The following TMEM232 variants were observed in gnomAD, a reference collection of about 807,000 sequenced individuals.
TMEM232 encodes transmembrane protein 232.
A neutral mutation model predicts 78.8 loss-of-function variants in TMEM232; 80 were observed. The ratio of observed to expected loss-of-function variants is 1.01; its 90% confidence interval spans 0.85 to 1.22. The LOEUF (loss-of-function observed/expected upper bound fraction) is 1.22. Ranked by LOEUF, TMEM232 falls within the 50% of genes most tolerant of loss-of-function variation. The pLI is 0.00. For missense variants in TMEM232, 881 were observed against 742.2 expected (o/e 1.19, Z -2.17); for synonymous variants, 297 against 254.3 (o/e 1.17, Z -1.60).
intron 1 of TMEM232, among the ~76,000 whole-genome samples, chr5:110,669,356 A>C (rs1791058776): frequency 6.6e-6 from 1 of 152,216 alleles, no homozygotes; most frequent in African/African-American, 2.4e-5. Flanking sequence ...AAACACCTCT[A>C]TGCAAATAAA....
intron 10 of TMEM232, among the ~76,000 whole-genome samples, chr5:110,576,095 T>C (rs764852545): frequency 6.6e-5 from 10 of 152,044 alleles, no homozygotes; most frequent in African/African-American, 2.4e-4. Context: ...AGTCAAACTA[T>C]CTCTGTTTGC....
chr5:110,603,666 T>C (rs1373627921), intron 10 of TMEM232, among the ~76,000 whole-genome samples: 1 of 152,174 alleles, frequency 6.6e-6, no homozygotes, highest in East Asian at 1.9e-4. Context: ...TTCATTTATC[T>C]TCACTTTATT....
chr5:110,530,634 C>A (rs1268725176), intron 11 of TMEM232, among the ~76,000 whole-genome samples: 3 of 152,148 alleles, frequency 2.0e-5, no homozygotes, highest in African/African-American at 7.2e-5. Flanking sequence ...CACAGAAAGA[C>A]AAATACCACA....
At chr5:110,478,625 T>C (rs1044049223) in intron 12 of TMEM232, among the ~76,000 whole-genome samples, 7 of 151,842 alleles carry the variant, frequency 4.6e-5, no homozygotes, top group East Asian at 1.9e-4. Context: ...AAGTGGAAGA[T>C]AGAATAAGAA....
chr5:110,427,700 G>C (rs1305425010), intron 12 of TMEM232, among the ~76,000 whole-genome samples: 1 of 151,832 alleles, frequency 6.6e-6, no homozygotes, highest in Non-Finnish European at 1.5e-5. Flanking sequence ...GCCGCTGTTA[G>C]CTTCTAGTGG....
chr5:110,735,063 A>G (rs1799022522), intron 1 of TMEM232: 1 of 152,214 alleles, frequency 6.6e-6, no homozygotes, highest in Non-Finnish European at 1.5e-5. Context: ...CACAGTACCC[A>G]ATACAGTGGT....
chr5:110,712,349 C>T (rs1035018153), intron 1 of TMEM232, among the ~76,000 whole-genome samples: 4 of 151,970 alleles, frequency 2.6e-5, no homozygotes, highest in Admixed American at 2.6e-4. Context: ...ATCCATCTGA[C>T]AAGGGTTTAA....
chr5:110,391,326 T>TGAGAGAGAGAGAGAGA (rs71626630), intron 3 of TMEM232, among the ~76,000 whole-genome samples: 1 of 139,812 alleles, frequency 7.2e-6, no homozygotes, highest in African/African-American at 2.9e-5. Flanking sequence ...TGTGTGTGTG[T>TGAGAGAGAGAGAGAGA]GAGAGAGAGA....
rs567534953 is a variant in TMEM232, at chr5:110,455,380, CT to C, written c.1704-30465del. On this transcript the variant is annotated intron_variant, in intron 12 of 13. Transcript: ENST00000455884. ...TATTTCTCATGAAAGTAGATATAAA[CT>C]TTTTTTTTTTTTTTGAGATGGAGTC... Among the ~76,000 whole-genome samples the C allele has an allele frequency of 3.5e-3, 501 of 142,718 alleles. 1 individual carries two copies. Among genetic ancestry groups the C allele is most frequent in the Admixed American group, 5.1e-3 (73 of 14,218 alleles). The allele number at this position is 142,718 out of a possible 152,430, so 93.6% of individuals were successfully genotyped here.
chr5:110,590,528 G>A (rs1400188590), intron 10 of TMEM232, among the ~76,000 whole-genome samples: 1 of 151,996 alleles, frequency 6.6e-6, no homozygotes, highest in African/African-American at 2.4e-5. Context: ...GATGATCTGA[G>A]ATGAAGCAGT....
rs1420742948 is a variant in TMEM232 at position 110,577,217 on chromosome 5, G to A, written c.1277-8592C>T. 2.0e-5 allele frequency among the ~76,000 whole-genome samples: 3 copies of A among 151,808 alleles called. No homozygotes were observed. In the East Asian group the frequency reaches 5.8e-4, roughly 29 times the overall value. On this transcript the variant is annotated intron_variant, in intron 10 of 13. Transcript: ENST00000455884. ...TCCCATAAAAAGTAGGCAAAAGATA[G>A]GAACAGACACATCTCAAAAGAAGAC...
chr5:110,435,233 G>C (rs1229142845), intron 12 of TMEM232, among the ~76,000 whole-genome samples: 1 of 151,710 alleles, frequency 6.6e-6, no homozygotes, highest in Admixed American at 6.6e-5. Flanking sequence ...AAAGTCTCAG[G>C]ATATAAAATC....
chr5:110,421,136 A>T (rs932250071), intron 13 of TMEM232, among the ~76,000 whole-genome samples: 3 of 152,084 alleles, frequency 2.0e-5, no homozygotes, highest in Admixed American at 2.0e-4. Context: ...TACAGAAAAT[A>T]CAAATTAAAC....
intron 11 of TMEM232, among the ~76,000 whole-genome samples, chr5:110,562,871 G>T (rs1380782021): frequency 2.6e-5 from 4 of 151,808 alleles, no homozygotes; most frequent in African/African-American, 4.8e-5. Context: ...AAAGTCACTA[G>T]GTTAAATACT....
intron 11 of TMEM232, among the ~76,000 whole-genome samples, chr5:110,534,697 T>TC (rs1303109049): frequency 6.6e-6 from 1 of 152,176 alleles, no homozygotes; most frequent in Non-Finnish European, 1.5e-5. Context: ...CCTGGTGCTA[T>TC]CCCCAAACTA....
chr5:110,668,465 A>G (rs1042759699), intron 1 of TMEM232, among the ~76,000 whole-genome samples: 88 of 152,184 alleles, frequency 5.8e-4, no homozygotes, highest in African/African-American at 2.1e-3. Flanking sequence ...ACTAGAAGCC[A>G]GAAAGTACAG....
intron 12 of TMEM232, among the ~76,000 whole-genome samples, chr5:110,499,635 C>A (rs201543873): frequency 0.022 from 3,212 of 143,558 alleles, 80 homozygotes; most frequent in East Asian, 0.039. Context: ...ACACCCCCCC[C>A]CACACACACA....
upstream of TMEM232, among the ~76,000 whole-genome samples, chr5:110,730,946 A>G (rs535729386): frequency 4.3e-4 from 66 of 152,344 alleles, 1 homozygote; most frequent in Middle Eastern, 3.4e-3. Flanking sequence ...TCCACAGTCC[A>G]AAGTCTCATC....
chr5:110,561,286 T>C (rs941960841), intron 11 of TMEM232, among the ~76,000 whole-genome samples: 4 of 152,086 alleles, frequency 2.6e-5, no homozygotes, highest in Admixed American at 1.3e-4. Flanking sequence ...TATGTATCCA[T>C]AGTCAAGTTA....
Sources: gnomAD v4.1 joint callset for allele counts (sites outside exome capture counted in the v4.1 genomes callset) on GRCh38, gnomAD v4.1.1 for gene constraint, MANE v1.5 for transcripts, NCBI Gene and HGNC (gene_info 2026-07-23, HGNC 2026-07-21) for gene names.